The following XPO6 variants were observed in gnomAD, a reference collection of about 807,000 sequenced individuals.
The protein encoded by XPO6 is exportin 6.
In XPO6, 3 loss-of-function variants were observed where a neutral mutation model predicts 130.0. That is an observed-to-expected ratio of 0.02 (90% CI 0.01 to 0.06). The LOEUF (loss-of-function observed/expected upper bound fraction) is 0.06. Ranked by LOEUF, XPO6 falls within the 10% of genes least tolerant of loss-of-function variation. The pLI is 1.00. For synonymous variants in XPO6, 524 were observed against 548.9 expected (o/e 0.95, Z 0.63); for missense variants, 970 against 1,393.0 (o/e 0.70, Z 4.83).
In XPO6 at chr16:28,146,336, A is replaced by T. The variant is rs1184988624; in HGVS notation, c.1225-133T>A. 16 of 719,318 alleles carry T rather than the reference A, an allele frequency of 2.2e-5. No individual in the cohort carries two copies. The East Asian group carries it at 3.8e-4, about 17-fold the overall frequency. The allele number at this position is 719,318 out of a possible 1,614,324, so 44.6% of individuals were successfully genotyped here. The stretch of plus-strand genomic sequence containing the variant: ...TAGATTCCCCAGTTTCCTGGTAACC[A>T]AAACTGGTGGCTTTTAGTCGGTCTA... On this transcript the variant is annotated intron_variant, in intron 8 of 23. Transcript: ENST00000304658.
chr16:28,125,537 A>G (rs939807118), intron 13 of XPO6, 152 bp downstream of exon 13: 57 of 897,636 alleles, frequency 6.4e-5, no homozygotes, highest in Non-Finnish European at 8.7e-5. Context: ...AGAGAGGTTA[A>G]GTAATTTGTT....
In XPO6 at chr16:28,177,253, G is replaced by T. The variant is rs774115381; in HGVS notation, c.174C>A (p.Asp58Glu). The T allele has an allele frequency of 2.0e-5, 32 of 1,611,614 alleles. No homozygotes were observed. Among genetic ancestry groups the T allele is most frequent in the Non-Finnish European group, 2.5e-5 (30 of 1,179,332 alleles). ...CLYFLSSTRN[D>E]YVMMYSLTVF... ...CTGTTAAACTGTACATCATTACATA[G>T]TCATTCCTAGTGCTGGAGAGAAAGT... is the stretch of plus-strand genomic sequence containing the variant. Residue 58 changes from aspartate (D) to glutamate (E), a missense_variant, in exon 3 of 24, where the codon GAC (aspartate) becomes GAA (glutamate). Asp to Glu is a conservative substitution (Grantham distance 45). Transcript: ENST00000304658.
At chr16:28,162,309 G>A (rs183694985) in intron 6 of XPO6, among the ~76,000 whole-genome samples, 7 of 152,180 alleles carry the variant, frequency 4.6e-5, no homozygotes, top group Non-Finnish European at 5.9e-5. Flanking sequence ...AGTGGATGGC[G>A]GAAGTGTTTT....
At chr16:28,161,283 T>A (rs1280912473) in intron 6 of XPO6, among the ~76,000 whole-genome samples, 1 of 152,184 alleles carries the variant, frequency 6.6e-6, no homozygotes, top group Admixed American at 6.5e-5. Context: ...CCTTTGGGAC[T>A]CCCTAAAAGG....
chr16:28,187,923 G>A (rs1277993518), intron 1 of XPO6, among the ~76,000 whole-genome samples: 1 of 151,870 alleles, frequency 6.6e-6, no homozygotes, highest in African/African-American at 2.4e-5. Flanking sequence ...TTGAAAAACA[G>A]GAGACTGCTA....
At chr16:28,204,353 GA>G (rs2043995904) in intron 1 of XPO6, among the ~76,000 whole-genome samples, 1 of 151,970 alleles carries the variant, frequency 6.6e-6, no homozygotes, top group African/African-American at 2.4e-5. Flanking sequence ...GGTGGTGAGG[GA>G]AGGCCCCACT....
chr16:28,206,706 A>G (rs1035498157), intron 1 of XPO6, among the ~76,000 whole-genome samples: 7 of 152,224 alleles, frequency 4.6e-5, no homozygotes, highest in African/African-American at 1.7e-4. Context: ...AAGCTATTCA[A>G]GTCATTTCTT....
rs2087382059 is a variant in XPO6, at chr16:28,125,698, A to G, written c.1757T>C (p.Val586Ala). The G allele has an allele frequency of 6.2e-7, 1 of 1,613,882 alleles. No individual in the cohort carries two copies. Among genetic ancestry groups the G allele is most frequent in the Non-Finnish European group, 8.5e-7 (1 of 1,179,946 alleles). The part of the protein sequence containing the change: ...FAARFNDALT[V>A]VERLVKVTLY... ...GTAACTGCCAGCCTACCTTTCCACGACTGTGAGGGCATCATTGAACCGTGC... is the reference window on the plus strand; with the variant it reads ...GTAACTGCCAGCCTACCTTTCCACGGCTGTGAGGGCATCATTGAACCGTGC... Residue 586 changes from valine (V) to alanine (A), a missense_variant, in exon 13 of 24, where the codon GTC (valine) becomes GCC (alanine). Val to Ala is a moderately conservative substitution (Grantham distance 64). Around this residue, in one of 4 missense-constraint regions of XPO6, gnomAD observed 936 missense variants for 1,306.8 expected, o/e 0.72. Coordinates refer to ENST00000304658, the MANE Select transcript of XPO6 (RefSeq NM_015171.4).
chr16:28,154,444 G>T, intron 7 of XPO6: 1 of 301,786 alleles, frequency 3.3e-6, no homozygotes, highest in Non-Finnish European at 4.9e-6. Context: ...ACAGTAGAAA[G>T]TTAGGGGAAA....
intron 6 of XPO6, among the ~76,000 whole-genome samples, chr16:28,163,501 T>C (rs1402575687): frequency 6.6e-6 from 1 of 152,226 alleles, no homozygotes; most frequent in African/African-American, 2.4e-5. Context: ...TGTGCACTTT[T>C]TTCCCCAATG....
intron 9 of XPO6, among the ~76,000 whole-genome samples, chr16:28,140,589 AATT>A (rs2042872067): frequency 6.6e-6 from 1 of 151,674 alleles, no homozygotes; most frequent in African/African-American, 2.4e-5. Flanking sequence ...GGGGCAGGAG[AATT>A]GCTTGAACCC....
At chr16:28,118,457 C>A (rs2087130363) in intron 14 of XPO6, among the ~76,000 whole-genome samples, 1 of 152,114 alleles carries the variant, frequency 6.6e-6, no homozygotes, top group Non-Finnish European at 1.5e-5. Flanking sequence ...ACCTTCTGGG[C>A]TCAAGTGATT....
Position 28,107,587 on chromosome 16 carries a change from T to C in XPO6, c.2432A>G (p.Tyr811Cys). The change falls in exon 18 of 24, where the codon TAC (tyrosine) becomes TGC (cysteine). Residue 811 changes from tyrosine (Y) to cysteine (C), a missense_variant. Tyr to Cys is a radical substitution (Grantham distance 194, BLOSUM62 -2). This residue lies in a region of XPO6 where 936 missense variants were observed against 1,306.8 expected (regional missense o/e 0.72). Transcript: ENST00000304658. ...GESTKSRQIC[Y>C]QSLQESVQVS... ...CTGAACAGATTCCTGCAGCGACTGG[T>C]AGCAAATCTGTCGAGACTTGGTGGA... The C allele has an allele frequency of 1.2e-6, 2 of 1,614,122 alleles. No homozygotes were observed. Among genetic ancestry groups the C allele is most frequent in the East Asian group, 4.5e-5 (2 of 44,864 alleles).
intron 8 of XPO6, among the ~76,000 whole-genome samples, chr16:28,151,925 A>G (rs2043098585): frequency 6.6e-6 from 1 of 152,238 alleles, no homozygotes; most frequent in Non-Finnish European, 1.5e-5. Flanking sequence ...AGGATGTGAT[A>G]GAAATATCTA....
chr16:28,195,156 CCAAGA>C (rs2043839709), intron 1 of XPO6, among the ~76,000 whole-genome samples: 1 of 151,976 alleles, frequency 6.6e-6, no homozygotes, highest in Non-Finnish European at 1.5e-5. Context: ...TCAGTGGGGG[CCAAGA>C]CAAGTCAGCA....
chr16:28,125,774 G>A lies in XPO6; in HGVS notation c.1681C>T (p.Leu561=). The A allele has an allele frequency of 3.1e-6, 5 of 1,614,224 alleles. No individual in the cohort carries two copies. Among genetic ancestry groups the A allele is most frequent in the South Asian group, 1.1e-5 (1 of 91,090 alleles). Residue 561 remains leucine, a synonymous_variant, in exon 13 of 24, where the codon CTG becomes TTG. Transcript: ENST00000304658. Reference sequence around the variant, plus strand: ...TCGGCCAGGCGGCCCACGGCCTGCAGCAGGGAGCTCAAGTCTCTCAGGGAG... The same window carrying A: ...TCGGCCAGGCGGCCCACGGCCTGCAACAGGGAGCTCAAGTCTCTCAGGGAG... ...HCSLRDLSSL[L]QAVGRLAEYF...
chr16:28,155,268 T>G (rs1400474375), intron 7 of XPO6, among the ~76,000 whole-genome samples: 1 of 152,222 alleles, frequency 6.6e-6, no homozygotes, highest in Non-Finnish European at 1.5e-5. Flanking sequence ...ATTTACTAAT[T>G]CGATACGATT....
At chr16:28,180,297 G>A (rs574984117) in intron 2 of XPO6, among the ~76,000 whole-genome samples, 99 of 152,212 alleles carry the variant, frequency 6.5e-4, no homozygotes, top group African/African-American at 2.3e-3. Context: ...CCCAGGAGGC[G>A]GAGGTTGCAG....
At position 28,106,599 on chromosome 16, in the gene XPO6, T is replaced by A; in HGVS notation, c.2498-102A>T. Reference sequence around the variant, plus strand: ...CCTGAAATCTGCACTATCAGCTTTCTCTACAGCTTCCTGCTGGAAACATTT... The same window carrying A: ...CCTGAAATCTGCACTATCAGCTTTCACTACAGCTTCCTGCTGGAAACATTT... On this transcript the variant is annotated intron_variant, in intron 18 of 23. Transcript: ENST00000304658. The surrounding 1 kb of genome is among the most constrained non-coding windows in gnomAD (Gnocchi z 4.2). 1.2e-6 allele frequency: 1 copy of A among 860,282 alleles called. No individual in the cohort carries two copies. Among genetic ancestry groups the A allele is most frequent in the Non-Finnish European group, 1.9e-6 (1 of 529,978 alleles). 53.3% of individuals were successfully genotyped at this position (860,282 alleles called of 1,614,324 possible).
Sources: allele counts gnomAD v4.1 joint callset (sites outside exome capture counted in the v4.1 genomes callset), GRCh38; gene constraint gnomAD v4.1.1; regional missense constraint gnomAD v4.1.1; non-coding constraint Gnocchi (gnomAD v3.1); transcripts MANE v1.5; gene names NCBI Gene and HGNC (gene_info 2026-07-23, HGNC 2026-07-21).